GSE1: variants seen among roughly 807,000 people sequenced by gnomAD.
GSE1 encodes the protein Gse1 coiled-coil protein.
Under a neutral mutation model 112.6 loss-of-function variants are expected in GSE1, and 32 were observed. That is an observed-to-expected ratio of 0.28 (90% CI 0.21 to 0.38). The LOEUF (loss-of-function observed/expected upper bound fraction) is 0.38, where lower values mean the gene tolerates loss of function less well. GSE1 is among the 10% of genes least tolerant of loss of function. GSE1 has a pLI of 1.00. For missense variants in GSE1, 2,348 were observed against 1,699.2 expected, an observed-to-expected ratio of 1.38 and a Z score of -6.71; for synonymous variants, 1,115 against 735.6, an observed-to-expected ratio of 1.52 and a Z score of -8.35.
chr16:85,195,546 A>G (rs890242824), intron 1 of GSE1, among the ~76,000 whole-genome samples: 4 of 152,210 alleles, frequency 2.6e-5, no homozygotes, highest in African/African-American at 9.7e-5. Context: ...GTATTGCTCT[A>G]TGCCACATTT....
chr16:85,262,828 A>G (rs1280083179), intron 1 of GSE1, among the ~76,000 whole-genome samples: 1 of 152,154 alleles, frequency 6.6e-6, no homozygotes, highest in African/African-American at 2.4e-5. Context: ...ATGTGTTGCA[A>G]TGGGAGCTGA....
At chr16:85,613,243 T>C, upstream of GSE1, 1 of 1,518,852 alleles carries the variant, frequency 6.6e-7, no homozygotes, top group Non-Finnish European at 8.8e-7. Context: ...AGCAGGTGTT[T>C]CTTGGCCGGG....
In GSE1 at chr16:85,672,746, C is replaced by A. The variant is rs1322215326; in HGVS notation, c.*207C>A. On this transcript the variant is annotated 3_prime_UTR_variant, in exon 16 of 16. Coordinates refer to ENST00000253458, the MANE Select transcript of GSE1 (RefSeq NM_014615.5). ...TGAATCACCGTTGTCATTCAGCGAG[C>A]AACCAATGTAGGATTGCCCACAGTT... The A allele has an allele frequency of 3.4e-5, 14 of 410,872 alleles. No homozygotes were observed. Among genetic ancestry groups the A allele is most frequent in the Non-Finnish European group, 4.3e-6 (1 of 230,968 alleles). 25.5% of individuals were successfully genotyped at this position (410,872 alleles called of 1,614,324 possible). A position where few individuals can be genotyped will look rare whatever the true frequency, so the allele number is the denominator to read the frequency against.
intron 2 of GSE1, among the ~76,000 whole-genome samples, chr16:85,515,369 G>A (rs544069609): frequency 1.3e-5 from 2 of 152,228 alleles, no homozygotes; most frequent in Non-Finnish European, 2.9e-5. Flanking sequence ...TGGGGCTTCC[G>A]TGCTCAGCAG....
At chr16:85,309,493 C>G (rs1243010028) in intron 1 of GSE1, among the ~76,000 whole-genome samples, 1 of 120,550 alleles carries the variant, frequency 8.3e-6, no homozygotes. Context: ...GACCCTGTCT[C>G]TAAAACAATA....
At chr16:85,208,950 A>G (rs112902105) in intron 1 of GSE1, among the ~76,000 whole-genome samples, 101 of 76,026 alleles carry the variant, frequency 1.3e-3, no homozygotes, top group East Asian at 1.6e-3. Flanking sequence ...GGTTCGCCGC[A>G]TGTTGGGGTT....
At chr16:85,550,877 C>T (rs2044885174) in intron 2 of GSE1, among the ~76,000 whole-genome samples, 1 of 152,186 alleles carries the variant, frequency 6.6e-6, no homozygotes, top group Admixed American at 6.5e-5. Flanking sequence ...CATGCCGCCT[C>T]CTGGGAAGCA....
chr16:85,327,917 A>T (rs11863814), intron 1 of GSE1, among the ~76,000 whole-genome samples: 2 of 151,956 alleles, frequency 1.3e-5, no homozygotes, highest in Non-Finnish European at 2.9e-5. Context: ...TTCCTGGAGT[A>T]GGGGGGCGGA....
chr16:85,570,911 T>C (rs775672291), intron 1 of GSE1, among the ~76,000 whole-genome samples: 2 of 152,148 alleles, frequency 1.3e-5, no homozygotes, highest in African/African-American at 2.4e-5. Context: ...CTCCAGGCGC[T>C]TGGAGGATGG....
At chr16:85,443,539 T>C (rs1038630905) in intron 2 of GSE1, among the ~76,000 whole-genome samples, 13 of 152,276 alleles carry the variant, frequency 8.5e-5, no homozygotes, top group Non-Finnish European at 1.6e-4. Context: ...TTAACTGTTA[T>C]TATTCTGGGT....
At chr16:85,298,498 G>A (rs2045429349) in intron 1 of GSE1, among the ~76,000 whole-genome samples, 2 of 152,152 alleles carry the variant, frequency 1.3e-5, no homozygotes, top group Non-Finnish European at 1.5e-5. Flanking sequence ...CACGATCTCC[G>A]CTCACTGCAG....
chr16:85,479,992 G>A (rs2050621138), intron 2 of GSE1, among the ~76,000 whole-genome samples: 1 of 152,238 alleles, frequency 6.6e-6, no homozygotes, highest in Non-Finnish European at 1.5e-5. Flanking sequence ...AGGTGCTTGA[G>A]GCCACACAGC....
At chr16:85,640,493 G>A (rs536347264) in intron 2 of GSE1, among the ~76,000 whole-genome samples, 113 of 152,336 alleles carry the variant, frequency 7.4e-4, no homozygotes, top group African/African-American at 2.2e-3. Context: ...TGCCTGCCTC[G>A]TCTTGTCACT....
intron 2 of GSE1, among the ~76,000 whole-genome samples, chr16:85,495,803 G>T (rs1467708790): frequency 6.6e-6 from 1 of 152,096 alleles, no homozygotes; most frequent in Non-Finnish European, 1.5e-5. Flanking sequence ...CAGCCATGCT[G>T]GGGACATTTT....
chr16:85,219,068 A>T (rs2075349260), intron 1 of GSE1, among the ~76,000 whole-genome samples: 1 of 152,134 alleles, frequency 6.6e-6, no homozygotes, highest in East Asian at 1.9e-4. Context: ...TTTAGTAGAG[A>T]CGGGGTTTCA....
chr16:85,308,604 C>T (rs2045744783), intron 1 of GSE1, among the ~76,000 whole-genome samples: 3 of 152,052 alleles, frequency 2.0e-5, no homozygotes, highest in Non-Finnish European at 2.9e-5. Flanking sequence ...TTAAAACTGA[C>T]CCCAGAAAGA....
At chr16:85,472,247 T>C (rs1335696558) in intron 2 of GSE1, among the ~76,000 whole-genome samples, 3 of 152,180 alleles carry the variant, frequency 2.0e-5, no homozygotes, top group African/African-American at 7.2e-5. Context: ...CAGGAATGTA[T>C]TATTTGATAG....
chr16:85,371,123 C>T (rs976883231), intron 2 of GSE1, among the ~76,000 whole-genome samples: 8 of 152,218 alleles, frequency 5.3e-5, no homozygotes, highest in Non-Finnish European at 8.8e-5. Flanking sequence ...CTCGCTGCTC[C>T]GCCCCCCTCG....
At chr16:85,171,233 CCTT>C in exon 1 of GSE1, 2 of 985,728 alleles carry the variant, frequency 2.0e-6, no homozygotes, top group Non-Finnish European at 2.4e-6. Context: ...TACCACCAGG[CCTT>C]CTCCGCCTCC....
Sources: gnomAD v4.1 joint callset for allele counts (sites outside exome capture counted in the v4.1 genomes callset) on GRCh38, gnomAD v4.1.1 for gene constraint, MANE v1.5 for transcripts, NCBI Gene and HGNC (gene_info 2026-07-23, HGNC 2026-07-21) for gene names.